Variants in RPH3A observed in about 807,000 individuals in gnomAD.
RPH3A encodes rabphilin 3A.
In RPH3A, 48 loss-of-function variants were observed where a neutral mutation model predicts 102.2. The ratio of observed to expected loss-of-function variants is 0.47; its 90% CI spans 0.37 to 0.60. The LOEUF (loss-of-function observed/expected upper bound fraction) is 0.60. Among genes scored for constraint, RPH3A ranks in the 20% least tolerant of loss-of-function variants. The pLI is 0.00. For missense variants in RPH3A, 781 were observed against 910.1 expected, an observed-to-expected ratio of 0.86 and a Z score of 1.83; for synonymous variants, 310 against 324.3, an observed-to-expected ratio of 0.96 and a Z score of 0.47.
intron 1 of RPH3A, among the ~76,000 whole-genome samples, chr12:112,765,046 T>A (rs116333187): frequency 0.018 from 2,697 of 152,250 alleles, 92 homozygotes; most frequent in African/African-American, 0.062. Context: ...TGTAAAGAAA[T>A]TTTTCAGCTG....
chr12:112,694,712 C>T (rs1461857110), intron 1 of RPH3A, among the ~76,000 whole-genome samples: 4 of 150,820 alleles, frequency 2.7e-5, no homozygotes, highest in African/African-American at 9.8e-5. Flanking sequence ...ATTCTGTTTA[C>T]TTGAAATGGC....
chr12:112,732,210 T>G (rs1421812993), intron 1 of RPH3A, among the ~76,000 whole-genome samples: 1 of 152,180 alleles, frequency 6.6e-6, no homozygotes, highest in East Asian at 1.9e-4. Flanking sequence ...AGCTGGGTTC[T>G]GGGGTGTCAG....
intron 11 of RPH3A, 109 bp downstream of exon 11, chr12:112,875,279 C>A: frequency 1.2e-6 from 1 of 829,694 alleles, no homozygotes. Flanking sequence ...AAAGCTGCAG[C>A]CACAACTAAA....
rs192295349 is a variant in RPH3A at position 112,786,572 on chromosome 12, G to A, written c.-139-5571G>A. The stretch of plus-strand genomic sequence containing the variant: ...AGGAGGGAGTGAGGAAGGCATGGAC[G>A]CCCTAGCAGTGTCATCCAGCGACAA... On this transcript the variant is annotated intron_variant, in intron 1 of 21. Coordinates refer to the RPH3A transcript ENST00000543106. 1.8e-4 allele frequency among the ~76,000 whole-genome samples: 28 copies of A among 152,236 alleles called. No individual in the cohort carries two copies. In the East Asian group the frequency reaches 1.9e-3, roughly 11 times the overall value.
chr12:112,734,531 A>C (rs1239554430), intron 1 of RPH3A, among the ~76,000 whole-genome samples: 2 of 152,240 alleles, frequency 1.3e-5, no homozygotes, highest in Non-Finnish European at 2.9e-5. Flanking sequence ...GAAAGAATTA[A>C]GGGTGAGTCC....
At chr12:112,672,835 C>T (rs1474294259) in intron 1 of RPH3A, among the ~76,000 whole-genome samples, 2 of 152,168 alleles carry the variant, frequency 1.3e-5, no homozygotes, top group Non-Finnish European at 2.9e-5. Flanking sequence ...AGTCCTAGGC[C>T]TCCCAGCGCA....
At chr12:112,824,349 T>C (rs564240591) in intron 2 of RPH3A, among the ~76,000 whole-genome samples, 1 of 152,276 alleles carries the variant, frequency 6.6e-6, no homozygotes, top group East Asian at 1.9e-4. Context: ...TGAGGGCGAT[T>C]CTCTGGAAAA....
Position 112,700,061 on chromosome 12 carries a change from A to C in RPH3A, c.-139-92082A>C, listed in dbSNP as rs573990138. Among the ~76,000 whole-genome samples, 87 of 152,120 alleles carry C rather than the reference A, an allele frequency of 5.7e-4. 1 individual carries two copies. In the Middle Eastern group the frequency reaches 0.021, roughly 36 times the overall value. The stretch of plus-strand genomic sequence containing the variant: ...ACTGACTTAAAGGAATAAATCCTTA[A>C]TGAATTCTTTTTTTTTTTTTCTTTT... On this transcript the variant is annotated intron_variant, in intron 1 of 21. Coordinates refer to the RPH3A transcript ENST00000543106.
chr12:112,788,957 G>A (rs1056896965), upstream of RPH3A, among the ~76,000 whole-genome samples: 4 of 152,128 alleles, frequency 2.6e-5, no homozygotes, highest in Non-Finnish European at 5.9e-5. Context: ...TCAGGAGTTC[G>A]AGACCAGCCT....
At chr12:112,687,471 G>A (rs769648814) in intron 1 of RPH3A, among the ~76,000 whole-genome samples, 2 of 152,268 alleles carry the variant, frequency 1.3e-5, no homozygotes, top group East Asian at 3.9e-4. Flanking sequence ...TGAATCACAT[G>A]GTTATCCCTG....
chr12:112,738,488 T>C (rs1304889112), intron 1 of RPH3A, among the ~76,000 whole-genome samples: 1 of 152,114 alleles, frequency 6.6e-6, no homozygotes, highest in Non-Finnish European at 1.5e-5. Flanking sequence ...GGACATGCAT[T>C]TTGCAGGGGG....
intron 1 of RPH3A, among the ~76,000 whole-genome samples, chr12:112,702,203 C>G (rs762050618): frequency 6.6e-6 from 1 of 152,220 alleles, no homozygotes; most frequent in Non-Finnish European, 1.5e-5. Flanking sequence ...TGAAGACTCT[C>G]TTAGGTTTTA....
intron 13 of RPH3A, among the ~76,000 whole-genome samples, chr12:112,878,793 C>G (rs1036387216): frequency 1.3e-5 from 2 of 152,198 alleles, no homozygotes; most frequent in African/African-American, 4.8e-5. Context: ...AAGTGAGCAC[C>G]TATGATTATG....
intron 1 of RPH3A, among the ~76,000 whole-genome samples, chr12:112,690,093 A>G (rs185274624): frequency 1.3e-5 from 2 of 152,374 alleles, no homozygotes; most frequent in African/African-American, 4.8e-5. Context: ...AATGTTATAA[A>G]CGATCATCCT....
chr12:112,579,019 C>T (rs750066726), intron 1 of RPH3A, among the ~76,000 whole-genome samples: 6 of 152,212 alleles, frequency 3.9e-5, no homozygotes, highest in South Asian at 4.1e-4. Context: ...TAGGTTCCTC[C>T]GAAAATCTGA....
chr12:112,820,108 T>G (rs945119929), intron 2 of RPH3A, among the ~76,000 whole-genome samples: 2 of 152,192 alleles, frequency 1.3e-5, no homozygotes, highest in African/African-American at 2.4e-5. Context: ...TTTCCTGAGC[T>G]GGGGGAGAAA....
intron 1 of RPH3A, among the ~76,000 whole-genome samples, chr12:112,688,363 T>A (rs964576903): frequency 6.6e-6 from 1 of 152,188 alleles, no homozygotes; most frequent in African/African-American, 2.4e-5. Flanking sequence ...GAGAGAGACC[T>A]AGCAATCACT....
At chr12:112,853,876 C>T (rs926848628) in intron 5 of RPH3A, among the ~76,000 whole-genome samples, 18 of 151,878 alleles carry the variant, frequency 1.2e-4, no homozygotes, top group Non-Finnish European at 7.4e-5. Context: ...TTAATTAGCT[C>T]GATGCCTGCC....
chr12:112,660,923 C>T (rs930667938), intron 1 of RPH3A, among the ~76,000 whole-genome samples: 2 of 152,062 alleles, frequency 1.3e-5, no homozygotes, highest in African/African-American at 2.4e-5. Flanking sequence ...AGTAGAGCCT[C>T]AGGAGAATAG....
Sources: allele counts gnomAD v4.1 joint callset (sites outside exome capture counted in the v4.1 genomes callset), GRCh38; gene constraint gnomAD v4.1.1; transcripts MANE v1.5; gene names NCBI Gene and HGNC (gene_info 2026-07-23, HGNC 2026-07-21).